CREB5: variants seen among roughly 807,000 people sequenced by gnomAD.
CREB5 encodes cyclic AMP-responsive element-binding protein 5.
CREB5 carries 19 observed loss-of-function variants against 57.1 expected under a neutral mutation model. The observed-to-expected ratio is 0.33, with a 90% CI of 0.23 to 0.49. The LOEUF is 0.49. Among genes scored for constraint, CREB5 ranks in the 20% least tolerant of loss-of-function variants. CREB5 has a pLI of 0.99. For missense variants in CREB5, 579 were observed against 671.6 expected, an observed-to-expected ratio of 0.86 and a Z score of 1.52; for synonymous variants, 238 against 238.3, an observed-to-expected ratio of 1.00 and a Z score of 0.01.
chr7:28,646,370 T>C (rs899433321), intron 5 of CREB5, among the ~76,000 whole-genome samples: 3 of 151,952 alleles, frequency 2.0e-5, no homozygotes, highest in Non-Finnish European at 2.9e-5. Context: ...CAAAAAACAA[T>C]AGAAAGTGGA....
chr7:28,584,370 A>G (rs1007329662), intron 5 of CREB5, among the ~76,000 whole-genome samples: 3 of 152,232 alleles, frequency 2.0e-5, no homozygotes, highest in Non-Finnish European at 2.9e-5. Flanking sequence ...AATCAGGTTA[A>G]GATGACATTG....
chr7:28,544,438 C>T (rs1338687496), intron 4 of CREB5, among the ~76,000 whole-genome samples: 2 of 152,194 alleles, frequency 1.3e-5, no homozygotes, highest in African/African-American at 2.4e-5. Flanking sequence ...TAATAACAGT[C>T]TCCTGCAAAT....
intron 1 of CREB5, among the ~76,000 whole-genome samples, chr7:28,441,483 T>C (rs4722795): frequency 0.37 from 55,936 of 152,118 alleles, 10,753 homozygotes; most frequent in Middle Eastern, 0.43. Context: ...GGCTAATATT[T>C]ATTTTGCCTA....
intron 7 of CREB5, among the ~76,000 whole-genome samples, chr7:28,760,229 G>A (rs894593380): frequency 2.0e-5 from 3 of 152,120 alleles, no homozygotes; most frequent in Non-Finnish European, 4.4e-5. Context: ...ATTACCTACA[G>A]GAGAGTTGAT....
chr7:28,545,660 C>T (rs1009927105), intron 4 of CREB5, among the ~76,000 whole-genome samples: 10 of 152,210 alleles, frequency 6.6e-5, no homozygotes, highest in African/African-American at 2.4e-4. Flanking sequence ...ACCTCAGGTA[C>T]AGAGAGTTGA....
rs887047281 is a variant in CREB5, at chr7:28,818,092, A to C, written c.1276A>C (p.Asn426His). The C allele has an allele frequency of 1.2e-6, 2 of 1,613,694 alleles. No homozygotes were observed. Among genetic ancestry groups the C allele is most frequent in the Non-Finnish European group, 1.7e-6 (2 of 1,179,754 alleles). The change falls in exon 10 of 11, where the codon AAT becomes CAT. Residue 426 changes from asparagine to histidine, a missense_variant. Around this residue, in one of 3 missense-constraint regions of CREB5, gnomAD observed 114 missense variants for 130.8 expected, o/e 0.87. Coordinates refer to ENST00000357727, the MANE Select transcript of CREB5 (RefSeq NM_182898.4). ...QLQNEVSMLK[N>H]EVAQLKQLLL... ...TTAGAATGAAGTGTCTATGTTGAAA[A>C]ATGAGGTGGCCCAGCTGAAACAGTT... is the stretch of plus-strand genomic sequence containing the variant.
chr7:28,754,727 C>G (rs1031490534), intron 7 of CREB5, among the ~76,000 whole-genome samples: 11 of 152,050 alleles, frequency 7.2e-5, no homozygotes, highest in African/African-American at 2.4e-4. Context: ...AAACTTCACT[C>G]TTTTTTTTCC....
chr7:28,376,972 C>T (rs1163855027), intron 1 of CREB5, among the ~76,000 whole-genome samples: 1 of 152,166 alleles, frequency 6.6e-6, no homozygotes, highest in African/African-American at 2.4e-5. Context: ...CAATTATAGG[C>T]TTAGAGTGAG....
chr7:28,541,775 C>T (rs1447789901), intron 4 of CREB5, among the ~76,000 whole-genome samples: 2 of 152,178 alleles, frequency 1.3e-5, no homozygotes, highest in Non-Finnish European at 2.9e-5. Context: ...AAAATATACA[C>T]CTGTCATGTT....
At chr7:28,776,286 C>T (rs550898409) in intron 7 of CREB5, among the ~76,000 whole-genome samples, 4 of 147,720 alleles carry the variant, frequency 2.7e-5, no homozygotes, top group East Asian at 2.0e-4. Context: ...TACAATGAGC[C>T]GAGATAGCGC....
At chr7:28,473,689 G>A (rs1370981593) in intron 1 of CREB5, among the ~76,000 whole-genome samples, 4 of 152,202 alleles carry the variant, frequency 2.6e-5, no homozygotes, top group East Asian at 1.9e-4. Flanking sequence ...CACTGTGCTC[G>A]GCTGAATGAG....
intron 1 of CREB5, among the ~76,000 whole-genome samples, chr7:28,323,326 T>C (rs1393919263): frequency 6.6e-6 from 1 of 152,204 alleles, no homozygotes; most frequent in African/African-American, 2.4e-5. Context: ...TCTTATTTAC[T>C]TCACTTTTCC....
rs75108445 is a variant in CREB5 at position 28,338,287 on chromosome 7, G to A, written c.-25+38846G>A. 6.4e-3 allele frequency among the ~76,000 whole-genome samples: 969 copies of A among 152,154 alleles called. 5 individuals are homozygous for A. Among genetic ancestry groups the A allele is most frequent in the African/African-American group, 0.022 (912 of 41,530 alleles). On this transcript the variant is annotated intron_variant, in intron 1 of 9. Transcript: ENST00000396299. ...TTCAGATTGAAGAACTCCCTTTAGC[G>A]TTTCTTGTAGGATTGGCCTGATCTG...
chr7:28,639,379 C>A (rs962577320), intron 5 of CREB5, among the ~76,000 whole-genome samples: 5 of 152,076 alleles, frequency 3.3e-5, no homozygotes, highest in African/African-American at 1.2e-4. Flanking sequence ...TTTTGGGAGG[C>A]TTAAATTTTG....
At chr7:28,654,253 C>A (rs747770418) in intron 5 of CREB5, among the ~76,000 whole-genome samples, 5 of 152,200 alleles carry the variant, frequency 3.3e-5, no homozygotes, top group Admixed American at 6.5e-5. Context: ...AGCTCGCTCC[C>A]CCTCTTCTAG....
chr7:28,788,956 G>A (rs1458316630), intron 7 of CREB5, among the ~76,000 whole-genome samples: 1 of 152,146 alleles, frequency 6.6e-6, no homozygotes, highest in African/African-American at 2.4e-5. Context: ...TACGTCTTCT[G>A]TATTCCTACA....
At chr7:28,504,974 T>C (rs1232754412) in intron 3 of CREB5, among the ~76,000 whole-genome samples, 1 of 152,224 alleles carries the variant, frequency 6.6e-6, no homozygotes, top group Non-Finnish European at 1.5e-5. Context: ...TACAGGATAC[T>C]TGCCTTGCTG....
Position 28,412,603 on chromosome 7 carries a change from C to T in CREB5, c.-312C>T, listed in dbSNP as rs1787849365. On this transcript the variant is annotated 5_prime_UTR_variant, in exon 1 of 11. Transcript: ENST00000357727. Reference sequence around the variant, plus strand: ...AAATTTTTAGTCACATTTTCCATGTCAGTTAAATCTAGGGAGTTCAAGACT... The same window carrying T: ...AAATTTTTAGTCACATTTTCCATGTTAGTTAAATCTAGGGAGTTCAAGACT... The T allele has an allele frequency of 7.3e-6, 2 of 272,254 alleles. No individual in the cohort carries two copies. The highest frequency in any genetic ancestry group is 1.3e-4 in the East Asian group (2 of 15,872). 16.9% of individuals were successfully genotyped at this position (272,254 alleles called of 1,614,324 possible).
chr7:28,509,352 G>A (rs1337566624), intron 4 of CREB5, among the ~76,000 whole-genome samples: 2 of 152,174 alleles, frequency 1.3e-5, no homozygotes, highest in Admixed American at 6.5e-5. Context: ...CCCTGTGTGA[G>A]GAAATTCTTG....
Sources: allele counts gnomAD v4.1 joint callset (sites outside exome capture counted in the v4.1 genomes callset), GRCh38; gene constraint gnomAD v4.1.1; regional missense constraint gnomAD v4.1.1; transcripts MANE v1.5; gene names NCBI Gene and HGNC (gene_info 2026-07-23, HGNC 2026-07-21).